ZNF12: variants seen among roughly 807,000 people sequenced by gnomAD.
ZNF12 encodes zinc finger protein 12, also known as gonadotropin inducible transcription repressor 3.
Under a neutral mutation model 66.6 loss-of-function variants are expected in ZNF12, and 34 were observed. The observed-to-expected ratio is 0.51, with a 90% CI of 0.39 to 0.68. ZNF12 has a LOEUF of 0.68. ZNF12 is among the 30% of genes least tolerant of loss of function. The pLI, the probability that ZNF12 is intolerant of heterozygous loss-of-function variation, is 0.00. For missense variants in ZNF12, 697 were observed against 826.9 expected (o/e 0.84, Z 1.93); for synonymous variants, 320 against 278.9 (o/e 1.15, Z -1.47).
chr7:6,699,114 AAG>A (rs1157847531), intron 2 of ZNF12, among the ~76,000 whole-genome samples: 1 of 152,246 alleles, frequency 6.6e-6, no homozygotes, highest in Non-Finnish European at 1.5e-5. Context: ...ATTGGCAAGA[AAG>A]AATCATAAAA....
At position 6,702,486 on chromosome 7, in the gene ZNF12, C is replaced by CCACATACA. The variant is rs774190186; in HGVS notation, c.15+2672_15+2673insTGTATGTG. ...ACGCACCAGATTCGTCTCCCAAACT[C>CCACATACA]CACACACACACACACACACACAGAT... On this transcript the variant is annotated intron_variant, in intron 2 of 4. Transcript: ENST00000405858. 1.6e-4 allele frequency among the ~76,000 whole-genome samples: 7 copies of CCACATACA among 42,748 alleles called. 1 individual carries two copies. The highest frequency in any genetic ancestry group is 8.5e-4 in the African/African-American group (6 of 7,018). The allele number at this position is 42,748 out of a possible 152,430, so 28.0% of individuals were successfully genotyped here.
intron 4 of ZNF12, among the ~76,000 whole-genome samples, chr7:6,693,916 C>A (rs907001081): frequency 6.6e-6 from 1 of 152,092 alleles, no homozygotes; most frequent in Non-Finnish European, 1.5e-5. Context: ...GCCTGTAATC[C>A]CAGCACTTTG....
At position 6,691,202 on chromosome 7, in the gene ZNF12, A is replaced by C; in HGVS notation, c.1740T>G (p.Ser580Arg). 6.2e-7 allele frequency: 1 copy of C among 1,614,130 alleles called. No homozygotes were observed. Among genetic ancestry groups the C allele is most frequent in the Middle Eastern group, 1.7e-4 (1 of 6,060 alleles). Reference protein sequence around the residue: ...IHSGEKPYECSECGKTFCQNS... With the variant: ...IHSGEKPYECRECGKTFCQNS... Reference sequence around the variant, plus strand: ...TCTGGCAGAAGGTTTTCCCACATTCACTACATTCATAGGGCTTCTCTCCTG... The same window carrying C: ...TCTGGCAGAAGGTTTTCCCACATTCCCTACATTCATAGGGCTTCTCTCCTG... The change falls in exon 5 of 5, where the codon AGT becomes AGG. Residue 580 changes from serine to arginine, a missense_variant. By Grantham distance (110) the Ser-to-Arg change is moderately radical (BLOSUM62 -1). Transcript: ENST00000405858.
chr7:6,703,982 A>C (rs1214183389), intron 2 of ZNF12, among the ~76,000 whole-genome samples: 1 of 152,238 alleles, frequency 6.6e-6, no homozygotes, highest in Non-Finnish European at 1.5e-5. Flanking sequence ...TCTATGCCAG[A>C]GATTTATTAT....
Position 6,705,326 on chromosome 7 carries a change from T to C in ZNF12, c.-50-103A>G, listed in dbSNP as rs7798471. ...CACAGAAAGTTCCAAGAAGTACATC[T>C]TGTGGGAGACTGTCCCTTTAAGCCT... On this transcript the variant is annotated intron_variant, in intron 1 of 4. Transcript: ENST00000405858. This position sits in a 1 kb window ranked among gnomAD's most constrained non-coding sequence, Gnocchi z 4.0. 233,636 of 788,276 alleles carry C rather than the reference T, an allele frequency of 0.3. 38,129 individuals carry two copies. The highest frequency in any genetic ancestry group is 0.57 in the African/African-American group (32,837 of 57,732). 48.8% of individuals were successfully genotyped at this position (788,276 alleles called of 1,614,324 possible). A position where few individuals can be genotyped will look rare whatever the true frequency, so the allele number is the denominator to read the frequency against.
At chr7:6,693,285 ATAG>A (rs1780102548) in intron 4 of ZNF12, among the ~76,000 whole-genome samples, 1 of 152,220 alleles carries the variant, frequency 6.6e-6, no homozygotes, top group Non-Finnish European at 1.5e-5. Flanking sequence ...CTCATTCCAC[ATAG>A]TAGAATAAAC....
chr7:6,691,804 G>C lies in ZNF12; in HGVS notation c.1138C>G (p.Pro380Ala). The change falls in exon 5 of 5, where the codon CCT becomes GCT. Residue 380 changes from proline to alanine, a missense_variant. Transcript: ENST00000405858. ...QHQRTHSGERPYVCHDCGKTF... is the reference protein window; with the variant it reads ...QHQRTHSGERAYVCHDCGKTF... ...TTCCCACAGTCATGACAAACATAAG[G>C]TCTCTCTCCTGAATGTGTTCTCTGA... The C allele has an allele frequency of 6.2e-7, 1 of 1,613,948 alleles. No homozygotes were observed. The highest frequency in any genetic ancestry group is 8.5e-7 in the Non-Finnish European group (1 of 1,179,886).
chr7:6,693,704 C>T (rs1562599096), intron 4 of ZNF12, among the ~76,000 whole-genome samples: 1 of 152,176 alleles, frequency 6.6e-6, no homozygotes, highest in Non-Finnish European at 1.5e-5. Context: ...GTGCTCAGAG[C>T]AGCATCTGGC....
At chr7:6,704,717 T>A (rs1296484054) in intron 2 of ZNF12, among the ~76,000 whole-genome samples, 2 of 111,458 alleles carry the variant, frequency 1.8e-5, no homozygotes, top group Non-Finnish European at 3.3e-5. Context: ...TCCAGCCTGG[T>A]GACAGAGCGC....
intron 2 of ZNF12, among the ~76,000 whole-genome samples, chr7:6,704,740 CAAAAAAAAAAAAAAAAA>C (rs949897713): frequency 2.8e-4 from 9 of 32,250 alleles, no homozygotes; most frequent in African/African-American, 5.0e-4. Flanking sequence ...TACTTGGTCT[CAAAAAAAAAAAAAAAAA>C]AAAAAAAAAA....
intron 2 of ZNF12, among the ~76,000 whole-genome samples, chr7:6,703,011 A>T (rs966311853): frequency 7.4e-5 from 11 of 148,992 alleles, no homozygotes; most frequent in Non-Finnish European, 1.2e-4. Context: ...CTCATTGCAT[A>T]CTAACACAGC....
rs768212385 is a variant in ZNF12 at position 6,691,467 on chromosome 7, G to C, written c.1475C>G (p.Pro492Arg). The C allele has an allele frequency of 6.2e-7, 1 of 1,614,108 alleles. No individual in the cohort carries two copies. Among genetic ancestry groups the C allele is most frequent in the Non-Finnish European group, 8.5e-7 (1 of 1,179,982 alleles). Reference protein sequence around the residue: ...RHQRVHTGEKPYECNECGKLF... With the variant: ...RHQRVHTGEKRYECNECGKLF... ...CTTTCCACATTCATTACATTCGTAA[G>C]GTTTCTCTCCTGTGTGCACTCTCTG... Residue 492 changes from proline (P) to arginine (R), a missense_variant, in exon 5 of 5, where the codon CCT becomes CGT. This residue lies in a region of ZNF12 where 401 missense variants were observed against 519.0 expected (regional missense o/e 0.77). Coordinates refer to ENST00000405858, the MANE Select transcript of ZNF12 (RefSeq NM_016265.4).
At chr7:6,699,682 G>A (rs1780204705) in intron 2 of ZNF12, among the ~76,000 whole-genome samples, 1 of 152,216 alleles carries the variant, frequency 6.6e-6, no homozygotes, top group African/African-American at 2.4e-5. Context: ...TCTTAGGAAA[G>A]TCAGCCTGGT....
Position 6,697,599 on chromosome 7 carries a change from T to G in ZNF12, c.142+86A>C, listed in dbSNP as rs1780173049. 1 of 1,588,604 alleles carries G rather than the reference T, an allele frequency of 6.3e-7. No individual in the cohort carries two copies. The highest frequency in any genetic ancestry group is 1.7e-5 in the Admixed American group (1 of 58,840). ...GTGCCCAAAAACAGATTACTCACAT[T>G]CGTCCCATCAAATTTTAAGTTAAAG... On this transcript the variant is annotated intron_variant, in intron 3 of 4. Coordinates refer to ENST00000405858, the MANE Select transcript of ZNF12 (RefSeq NM_016265.4). The surrounding 1 kb of genome is among the most constrained non-coding windows in gnomAD (Gnocchi z 6.1).
chr7:6,698,092 T>G lies in ZNF12; in HGVS notation c.16-281A>C, dbSNP rs1780180546. On this transcript the variant is annotated intron_variant, in intron 2 of 4. Coordinates refer to ENST00000405858, the MANE Select transcript of ZNF12 (RefSeq NM_016265.4). The surrounding 1 kb of genome is among the most constrained non-coding windows in gnomAD (Gnocchi z 4.4). The stretch of plus-strand genomic sequence containing the variant: ...CTCTTAACACCAGCAGGGACGAATC[T>G]CACCCCTGAGGAGCACAGGCCTGGG... 3 of 620,096 alleles carry G rather than the reference T, an allele frequency of 4.8e-6. No homozygotes were observed. The highest frequency in any genetic ancestry group is 6.1e-6 in the Non-Finnish European group (2 of 328,864). 38.4% of individuals were successfully genotyped at this position (620,096 alleles called of 1,614,324 possible). A position where few individuals can be genotyped will look rare whatever the true frequency, so the allele number is the denominator to read the frequency against.
chr7:6,690,787 A>C lies in ZNF12; in HGVS notation c.*61T>G. 1 of 1,473,990 alleles carries C rather than the reference A, an allele frequency of 6.8e-7. No homozygotes were observed. The highest frequency in any genetic ancestry group is 2.4e-5 in the East Asian group (1 of 41,554). 91.3% of individuals were successfully genotyped at this position (1,473,990 alleles called of 1,614,324 possible). On this transcript the variant is annotated 3_prime_UTR_variant, in exon 5 of 5. Transcript: ENST00000405858. ...TCTGATGTACAAGGTGTTTGACTTC[A>C]GGCAGGAGTTTCTGATTCACTATAC...
rs1295504247 is a variant in ZNF12 at position 6,690,680 on chromosome 7, A to G, written c.*168T>C. ...TATTGTTATACCATGTGGTCTTGTT[A>G]TAATCATGGTTTCCATTCTGTGAGT... is the stretch of plus-strand genomic sequence containing the variant. On this transcript the variant is annotated 3_prime_UTR_variant, in exon 5 of 5. Transcript: ENST00000405858. 7 of 664,874 alleles carry G rather than the reference A, an allele frequency of 1.1e-5. No homozygotes were observed. Among genetic ancestry groups the G allele is most frequent in the Non-Finnish European group, 1.7e-5 (7 of 405,912 alleles). 41.2% of individuals were successfully genotyped at this position (664,874 alleles called of 1,614,324 possible). A position where few individuals can be genotyped will look rare whatever the true frequency, so the allele number is the denominator to read the frequency against.
intron 2 of ZNF12, among the ~76,000 whole-genome samples, chr7:6,700,254 C>T: frequency 6.7e-6 from 1 of 148,842 alleles, no homozygotes; most frequent in East Asian, 1.9e-4. Context: ...CACTGTACTC[C>T]AGCCTGGGCA....
At chr7:6,706,240 C>G (rs747554192) in intron 1 of ZNF12, among the ~76,000 whole-genome samples, 192 bp downstream of exon 1, 2 of 152,186 alleles carry the variant, frequency 1.3e-5, no homozygotes, top group Non-Finnish European at 2.9e-5. Flanking sequence ...GAGACAACGT[C>G]CGCAGCTGAG....
Sources: allele counts gnomAD v4.1 joint callset (sites outside exome capture counted in the v4.1 genomes callset), GRCh38; gene constraint gnomAD v4.1.1; regional missense constraint gnomAD v4.1.1; non-coding constraint Gnocchi (gnomAD v3.1); transcripts MANE v1.5; gene names NCBI Gene and HGNC (gene_info 2026-07-23, HGNC 2026-07-21).